The following RBFOX3 variants were observed in gnomAD, a reference collection of about 807,000 sequenced individuals.
RBFOX3 encodes RNA binding protein fox-1 homolog 3.
A neutral mutation model predicts 48.7 loss-of-function variants in RBFOX3; 17 were observed. The ratio of observed to expected loss-of-function variants is 0.35; its 90% CI spans 0.24 to 0.52. RBFOX3 has a LOEUF of 0.52. RBFOX3 is among the 20% of genes least tolerant of loss of function. The probability of loss-of-function intolerance (pLI) is 0.94; values close to 1 mark genes in which losing one functional copy is unlikely to be tolerated. For missense variants in RBFOX3, 382 were observed against 497.5 expected (o/e 0.77, Z 2.21); for synonymous variants, 212 against 209.5 (o/e 1.01, Z -0.10).
intron 4 of RBFOX3, among the ~76,000 whole-genome samples, chr17:79,116,270 A>C (rs2033929904): frequency 6.6e-6 from 1 of 152,166 alleles, no homozygotes; most frequent in Non-Finnish European, 1.5e-5. Context: ...CCACCTCAAG[A>C]ATTTTAAGCC....
chr17:79,405,332 A>T (rs766325019), intron 2 of RBFOX3, among the ~76,000 whole-genome samples: 1 of 152,160 alleles, frequency 6.6e-6, no homozygotes, highest in Non-Finnish European at 1.5e-5. Context: ...ATTTGAAAGT[A>T]AGCTGCAGAC....
intron 1 of RBFOX3, among the ~76,000 whole-genome samples, chr17:79,496,406 C>G (rs1180210239): frequency 2.6e-5 from 4 of 152,176 alleles, no homozygotes; most frequent in Non-Finnish European, 1.5e-5. Flanking sequence ...CTAGGCCTAG[C>G]ACACACTTCC....
chr17:79,437,676 C>A (rs1490668837), intron 2 of RBFOX3, among the ~76,000 whole-genome samples: 1 of 152,220 alleles, frequency 6.6e-6, no homozygotes, highest in Non-Finnish European at 1.5e-5. Flanking sequence ...ACCCCAGAGT[C>A]AGGAAACCCC....
rs182378088 is a variant in RBFOX3 at position 79,261,938 on chromosome 17, G to C, written c.-73-26133C>G. On this transcript the variant is annotated intron_variant, in intron 3 of 14. Coordinates refer to ENST00000693108, the MANE Select transcript of RBFOX3 (RefSeq NM_001350451.2). Reference sequence around the variant, plus strand: ...TTGCCTTTACTGGGGCTTGTGGAGGGGGGAGGCGTACGAACACCTGCAATA... The same window carrying C: ...TTGCCTTTACTGGGGCTTGTGGAGGCGGGAGGCGTACGAACACCTGCAATA... Among the ~76,000 whole-genome samples the C allele has an allele frequency of 1.8e-3, 273 of 152,344 alleles. 1 individual carries two copies. The highest frequency in any genetic ancestry group is 3.4e-3 in the Non-Finnish European group (234 of 68,032).
chr17:79,357,865 T>TA lies in RBFOX3; in HGVS notation c.-174-50042dup, dbSNP rs200198846. On this transcript the variant is annotated intron_variant, in intron 2 of 14. Coordinates refer to ENST00000693108, the MANE Select transcript of RBFOX3 (RefSeq NM_001350451.2). The stretch of plus-strand genomic sequence containing the variant: ...TGTTTACCAATTAAGTTCATTTTTT[T>TA]AAAAAATCAGTAAATTGAAGTTTTT... 9.2e-3 allele frequency among the ~76,000 whole-genome samples: 1,397 copies of TA among 151,894 alleles called. 29 individuals carry two copies. Among genetic ancestry groups the TA allele is most frequent in the African/African-American group, 0.032 (1,326 of 41,402 alleles).
chr17:79,637,102 T>C, the RBFOX3 span, among the ~76,000 whole-genome samples: 1 of 152,142 alleles, frequency 6.6e-6, no homozygotes, highest in Admixed American at 6.5e-5. Flanking sequence ...ACAAGAGATA[T>C]AACAAATATA....
chr17:79,399,676 A>C (rs2062528929), intron 2 of RBFOX3, among the ~76,000 whole-genome samples: 1 of 152,218 alleles, frequency 6.6e-6, no homozygotes, highest in Admixed American at 6.5e-5. Flanking sequence ...ACCAAAAGAC[A>C]ATGTCCATTA....
Position 79,557,787 on chromosome 17 carries a change from T to C in RBFOX3, c.-320+53039A>G, listed in dbSNP as rs2091892548. On this transcript the variant is annotated intron_variant, in intron 1 of 14. Transcript: ENST00000693108. Reference sequence around the variant, plus strand: ...AGGCGGGGGCATCTCGTGGGAGGCCTCCTGGGCCACTGCAAGGCCCCAGTT... The same window carrying C: ...AGGCGGGGGCATCTCGTGGGAGGCCCCCTGGGCCACTGCAAGGCCCCAGTT... Among the ~76,000 whole-genome samples, 3 of 152,266 alleles carry C rather than the reference T, an allele frequency of 2.0e-5. No homozygotes were observed. In the South Asian group the frequency reaches 6.2e-4, roughly 32 times the overall value.
intron 4 of RBFOX3, among the ~76,000 whole-genome samples, chr17:79,185,070 C>G (rs2053118760): frequency 6.6e-6 from 1 of 151,978 alleles, no homozygotes; most frequent in Admixed American, 6.5e-5. Context: ...GTGCAGGCAC[C>G]TGGGACCATT....
intron 2 of RBFOX3, among the ~76,000 whole-genome samples, chr17:79,366,576 C>A (rs760584002): frequency 6.6e-6 from 1 of 152,196 alleles, no homozygotes. Flanking sequence ...TGTCTGCCGG[C>A]GAGAGAGCCA....
chr17:79,584,778 T>A (rs1002949535), intron 1 of RBFOX3, among the ~76,000 whole-genome samples: 1 of 151,988 alleles, frequency 6.6e-6, no homozygotes, highest in Non-Finnish European at 1.5e-5. Flanking sequence ...TATTTATTTT[T>A]TTTTTGAGAC....
chr17:79,227,603 C>T (rs1221082303), intron 4 of RBFOX3, among the ~76,000 whole-genome samples: 2 of 152,166 alleles, frequency 1.3e-5, no homozygotes, highest in Non-Finnish European at 2.9e-5. Flanking sequence ...GGGATGGCGG[C>T]GTGGGGAGGC....
chr17:79,115,880 G>A (rs958940811), intron 4 of RBFOX3, 132 bp from the exon 5 acceptor site: 94 of 534,672 alleles, frequency 1.8e-4, no homozygotes, highest in Admixed American at 1.0e-3. Context: ...CCCCTCCAAG[G>A]GGGGCTCGCC....
At chr17:79,200,904 G>A (rs888599691) in intron 4 of RBFOX3, among the ~76,000 whole-genome samples, 1 of 152,068 alleles carries the variant, frequency 6.6e-6, no homozygotes, top group African/African-American at 2.4e-5. Context: ...CTGCGTCCTC[G>A]TCTCTGTGTG....
intron 2 of RBFOX3, among the ~76,000 whole-genome samples, chr17:79,315,783 T>C (rs187202047): frequency 2.3e-4 from 35 of 152,278 alleles, no homozygotes; most frequent in Admixed American, 9.8e-4. Context: ...TTGCTTGCAA[T>C]GAGCAAGATG....
At chr17:79,419,231 T>C (rs1337534861) in intron 2 of RBFOX3, among the ~76,000 whole-genome samples, 1 of 152,180 alleles carries the variant, frequency 6.6e-6, no homozygotes, top group African/African-American at 2.4e-5. Context: ...GTCTCTCGAG[T>C]TGCTAAGATG....
chr17:79,288,478 C>CA (rs891922654), intron 3 of RBFOX3, among the ~76,000 whole-genome samples: 13 of 97,084 alleles, frequency 1.3e-4, no homozygotes, highest in East Asian at 2.8e-4. Flanking sequence ...TTCTCTGCAG[C>CA]CCCCCCCAGC....
intron 3 of RBFOX3, among the ~76,000 whole-genome samples, chr17:79,295,239 C>T (rs2074141070): frequency 6.6e-6 from 1 of 152,230 alleles, no homozygotes; most frequent in Non-Finnish European, 1.5e-5. Context: ...ACTAAATCCA[C>T]AGCGCTAGAA....
chr17:79,162,714 G>C (rs866803339), intron 4 of RBFOX3, among the ~76,000 whole-genome samples: 1 of 152,178 alleles, frequency 6.6e-6, no homozygotes, highest in Non-Finnish European at 1.5e-5. Flanking sequence ...GAACTGAGCT[G>C]TGCTAACAAA....
Sources: allele counts gnomAD v4.1 joint callset (sites outside exome capture counted in the v4.1 genomes callset), GRCh38; gene constraint gnomAD v4.1.1; transcripts MANE v1.5; gene names NCBI Gene and HGNC (gene_info 2026-07-23, HGNC 2026-07-21).